TTN: variants seen among roughly 807,000 people sequenced by gnomAD.
TTN encodes the protein titin.
In TTN, 1,525 loss-of-function variants were observed where a neutral mutation model predicts 3,223.0. That is an observed-to-expected ratio of 0.47 (90% CI 0.45 to 0.49). The LOEUF (loss-of-function observed/expected upper bound fraction) is 0.49. Among genes scored for constraint, TTN ranks in the 20% least tolerant of loss-of-function variants. TTN has a pLI of 0.00. For missense variants in TTN, 40,786 were observed against 43,424.0 expected, an observed-to-expected ratio of 0.94 and a Z score of 5.40; for synonymous variants, 14,094 against 15,161.0, an observed-to-expected ratio of 0.93 and a Z score of 5.17.
intron 44 of TTN, among the ~76,000 whole-genome samples, chr2:178,758,268 T>A (rs2087909175): frequency 6.6e-6 from 1 of 152,228 alleles, no homozygotes; most frequent in Non-Finnish European, 1.5e-5. Flanking sequence ...AAACATCTAG[T>A]TACAGTTAAT....
Position 178,608,405 on chromosome 2 carries a change from T to C in TTN, c.52478A>G (p.Glu17493Gly), listed in dbSNP as rs2055442864. The C allele has an allele frequency of 6.2e-7, 1 of 1,609,856 alleles. No individual in the cohort carries two copies. Among genetic ancestry groups the C allele is most frequent in the Admixed American group, 1.7e-5 (1 of 59,590 alleles). The change falls in exon 275 of 363, where the codon GAA becomes GGA. Residue 17493 changes from glutamate to glycine, a missense_variant. Coordinates refer to ENST00000589042, the MANE Select transcript of TTN (RefSeq NM_001267550.2). ...AATGGGGCTTCCATTATCTTTTGGT[T>C]CATTCCATTTCACTAGCATACTGTT... is the stretch of plus-strand genomic sequence containing the variant. ...TSNSMLVKWN[E>G]PKDNGSPILG...
In TTN at chr2:178,776,115, G is replaced by T; in HGVS notation, c.5749C>A (p.Pro1917Thr). 1 of 1,614,060 alleles carries T rather than the reference G, an allele frequency of 6.2e-7. No individual in the cohort carries two copies. Among genetic ancestry groups the T allele is most frequent in the Non-Finnish European group, 8.5e-7 (1 of 1,179,976 alleles). Residue 1917 changes from proline (P) to threonine (T), a missense_variant, in exon 28 of 363, where the codon CCT becomes ACT. Coordinates refer to ENST00000589042, the MANE Select transcript of TTN (RefSeq NM_001267550.2). The stretch of plus-strand genomic sequence containing the variant: ...ACTTTATGCTCTATCACACCTTCAG[G>T]ATTTTCCGCGGTGACCTTCACTTCA... Reference protein sequence around the residue: ...TGEVKVTAENPEGVIEHKVKL... With the variant: ...TGEVKVTAENTEGVIEHKVKL...
At chr2:178,646,605 C>T (rs1242943991) in intron 215 of TTN, 46 bp from the exon 216 acceptor site, 2 of 1,182,750 alleles carry the variant, frequency 1.7e-6, no homozygotes, top group Non-Finnish European at 2.4e-6. Flanking sequence ...ATGTAAAGTT[C>T]TTCAAAAAGA....
rs2063113969 is a variant in TTN at position 178,652,168 on chromosome 2, G to C, written c.39223C>G (p.Pro13075Ala). The C allele has an allele frequency of 6.2e-7, 1 of 1,611,974 alleles. No homozygotes were observed. Among genetic ancestry groups the C allele is most frequent in the South Asian group, 1.1e-5 (1 of 91,024 alleles). ...EVPPTKVPEV[P>A]KVAVPEKKVP... Reference sequence around the variant, plus strand: ...TTCTTTTCTGGGACAGCTACCTTTGGCACCTCTGGGACTTTAAAAGATATT... The same window carrying C: ...TTCTTTTCTGGGACAGCTACCTTTGCCACCTCTGGGACTTTAAAAGATATT... The change falls in exon 204 of 363, where the codon CCA becomes GCA. Residue 13075 changes from proline (P) to alanine (A), a missense_variant. By Grantham distance (27) the Pro-to-Ala change is conservative (BLOSUM62 -1). Coordinates refer to ENST00000589042, the MANE Select transcript of TTN (RefSeq NM_001267550.2).
At chr2:178,695,512 T>C in intron 114 of TTN, 102 bp from the exon 115 acceptor site, 1 of 897,644 alleles carries the variant, frequency 1.1e-6, no homozygotes, top group Non-Finnish European at 1.8e-6. Flanking sequence ...TATAATCGTG[T>C]GAAGTATTAT....
At chr2:178,646,076 T>G (rs2061891832) in intron 216 of TTN, 46 bp from the exon 217 acceptor site, 2 of 730,154 alleles carry the variant, frequency 2.7e-6, no homozygotes, top group South Asian at 5.8e-5. Flanking sequence ...TATGTTAGCA[T>G]GTGGATATGT....
chr2:178,624,337 G>T, intron 242 of TTN, 128 bp downstream of exon 242: 1 of 1,147,968 alleles, frequency 8.7e-7, no homozygotes, highest in Non-Finnish European at 1.3e-6. Context: ...TTAGGTCAGT[G>T]TCAATACTAG....
At position 178,718,237 on chromosome 2, in the gene TTN, T is replaced by C. The variant is rs201107387; in HGVS notation, c.24785-16A>G. The C allele has an allele frequency of 1.0e-5, 16 of 1,593,526 alleles. No homozygotes were observed. Among genetic ancestry groups the C allele is most frequent in the African/African-American group, 5.4e-5 (4 of 74,390 alleles). ...TACGGTGGTTCTATGGTACAAAGGA[T>C]GGTAGTCAGCAAGTCAGTCATGCCA... is the stretch of plus-strand genomic sequence containing the variant. On this transcript the variant is annotated splice_polypyrimidine_tract_variant and intron_variant, in intron 85 of 362. Coordinates refer to ENST00000589042, the MANE Select transcript of TTN (RefSeq NM_001267550.2).
At position 178,564,469 on chromosome 2, in the gene TTN, G is replaced by T. The variant is rs1399668147; in HGVS notation, c.81663C>A (p.Ser27221Arg). The change falls in exon 326 of 363, where the codon AGC becomes AGA. Residue 27221 changes from serine to arginine, a missense_variant. By Grantham distance (110) the Ser-to-Arg change is moderately radical. Coordinates refer to ENST00000589042, the MANE Select transcript of TTN (RefSeq NM_001267550.2). ...DLPDGRWMKA[S>R]FTNVLETEFT... ...ATTCAGTTTCTAATACGTTGGTAAA[G>T]CTGGCTTTCATCCAGCGGCCATCAG... The T allele has an allele frequency of 6.2e-7, 1 of 1,611,994 alleles. No individual in the cohort carries two copies. Among genetic ancestry groups the T allele is most frequent in the Non-Finnish European group, 8.5e-7 (1 of 1,178,948 alleles).
rs2075161031 is a variant in TTN, at chr2:178,702,386, G to A, written c.30433+68C>T. The A allele has an allele frequency of 7.5e-6, 12 of 1,606,762 alleles. No individual in the cohort carries two copies. In the East Asian group the frequency reaches 2.7e-4, roughly 36 times the overall value. On this transcript the variant is annotated intron_variant, in intron 107 of 362. Coordinates refer to ENST00000589042, the MANE Select transcript of TTN (RefSeq NM_001267550.2). ...TAGAATGAGAGCATGAGCGCATACA[G>A]GGTAGAAATACAGAAAACAGACGAG...
intron 203 of TTN, 29 bp from the exon 204 acceptor site, chr2:178,652,208 T>G (rs1349234964): frequency 3.1e-6 from 5 of 1,612,400 alleles, no homozygotes; most frequent in Non-Finnish European, 4.2e-6. Context: ...TTTTCATTGT[T>G]AGACAAAGTA....
Position 178,665,769 on chromosome 2 carries a change from A to T in TTN, c.35898T>A (p.Ile11966=). Residue 11966 remains isoleucine (I), a synonymous_variant, in exon 164 of 363, where the codon ATT becomes ATA. Coordinates refer to ENST00000589042, the MANE Select transcript of TTN (RefSeq NM_001267550.2). ...CCATGGGTGTTTCCTTTACAGGGAC[A>T]ATTTCTCGAGGTGATTCAGGCACTT... The part of the protein sequence containing the change: ...SPTVPESPRE[I]VPVKETPMAA... The T allele has an allele frequency of 7.7e-7, 1 of 1,295,628 alleles. No homozygotes were observed. 80.3% of individuals were successfully genotyped at this position (1,295,628 alleles called of 1,614,324 possible).
chr2:178,685,460 A>G, intron 128 of TTN, 58 bp downstream of exon 128: 2 of 1,537,244 alleles, frequency 1.3e-6, no homozygotes, highest in Non-Finnish European at 1.8e-6. Flanking sequence ...GCTATAAGGA[A>G]ACATAAAGAA....
In TTN at chr2:178,570,085, A is replaced by G. The variant is rs369320393; in HGVS notation, c.76047T>C (p.Ile25349=). The G allele has an allele frequency of 1.4e-5, 23 of 1,613,288 alleles. No individual in the cohort carries two copies. The African/African-American group carries it at 2.9e-4, about 21-fold the overall frequency. ...YVLEKRDKEG[I]RWTRCHKRLI... is the part of the protein sequence containing the mutation. Reference sequence around the variant, plus strand: ...GACGCTTATGGCATCTTGTCCATCTAATGCCTTCTTTATCCCGTTTCTCAA... The same window carrying G: ...GACGCTTATGGCATCTTGTCCATCTGATGCCTTCTTTATCCCGTTTCTCAA... The change falls in exon 326 of 363, where the codon ATT becomes ATC. Residue 25349 remains isoleucine, a synonymous_variant. Transcript: ENST00000589042.
rs1361052408 is a variant in TTN at position 178,635,672 on chromosome 2, A to C, written c.41652T>G (p.His13884Gln). Residue 13884 changes from histidine to glutamine, a missense_variant, in exon 227 of 363, where the codon CAT becomes CAG. His to Gln is a conservative substitution (Grantham distance 24). Transcript: ENST00000589042. ...DWLVKPIRDQ[H>Q]VKPKGTAIFA... ...AAATAGCTGTCCCCTTGGGTTTCAC[A>C]TGCTGGTCTCGTATAGGTTTCACCA... The C allele has an allele frequency of 2.5e-6, 4 of 1,601,786 alleles. No homozygotes were observed. The highest frequency in any genetic ancestry group is 3.4e-6 in the Non-Finnish European group (4 of 1,173,768).
In TTN at chr2:178,749,536, A is replaced by G. The variant is rs761723674; in HGVS notation, c.11311+3588T>C. On this transcript the variant is annotated intron_variant, in intron 47 of 362. Coordinates refer to ENST00000589042, the MANE Select transcript of TTN (RefSeq NM_001267550.2). ...AGGGAGTAAAGGGACCAGCTGGATA[A>G]TCATAAAAATGTGCCCTTACAGATT... The G allele has an allele frequency of 3.7e-6, 6 of 1,612,906 alleles. No homozygotes were observed. In the South Asian group the frequency reaches 6.6e-5, roughly 18 times the overall value.
chr2:178,725,473 T>C lies in TTN; in HGVS notation c.20731A>G (p.Thr6911Ala). The C allele has an allele frequency of 6.2e-7, 1 of 1,613,290 alleles. No individual in the cohort carries two copies. The change falls in exon 71 of 363, where the codon ACT becomes GCT. Residue 6911 changes from threonine (T) to alanine (A), a missense_variant. Transcript: ENST00000589042. ...GGCTCTGCTTTTGCAAACTGTAGAG[T>C]TGCAACATTTTCCACAAATGTAATC... ...IRITFVENVA[T>A]LQFAKAEPAN...
chr2:178,700,392 G>A (rs552338761), intron 111 of TTN, among the ~76,000 whole-genome samples: 4 of 152,184 alleles, frequency 2.6e-5, no homozygotes, highest in Non-Finnish European at 4.4e-5. Context: ...ATCTAATACA[G>A]TAGTAGTGAC....
In TTN at chr2:178,567,431, A is replaced by G; in HGVS notation, c.78701T>C (p.Ile26234Thr). 1 of 1,609,018 alleles carries G rather than the reference A, an allele frequency of 6.2e-7. No homozygotes were observed. Among genetic ancestry groups the G allele is most frequent in the Non-Finnish European group, 8.5e-7 (1 of 1,177,942 alleles). The change falls in exon 326 of 363, where the codon ATT becomes ACT. Residue 26234 changes from isoleucine to threonine, a missense_variant. Transcript: ENST00000589042. The stretch of plus-strand genomic sequence containing the variant: ...TATTTCACATCTAGCAGATTCTTCA[A>G]TTTCCTTATCTCCTCTTAACCACTC... Reference protein sequence around the residue: ...TIEWLRGDKEIEESARCEIKN... With the variant: ...TIEWLRGDKETEESARCEIKN...
Sources: gnomAD v4.1 joint callset for allele counts (sites outside exome capture counted in the v4.1 genomes callset) on GRCh38, gnomAD v4.1.1 for gene constraint, MANE v1.5 for transcripts, NCBI Gene and HGNC (gene_info 2026-07-23, HGNC 2026-07-21) for gene names.